Variants in SERGEF observed in about 807,000 individuals in gnomAD.
SERGEF encodes secretion-regulating guanine nucleotide exchange factor.
A neutral mutation model predicts 50.0 loss-of-function variants in SERGEF; 51 were observed. That is an observed-to-expected ratio of 1.02 (90% confidence interval 0.81 to 1.29). The LOEUF is 1.29. SERGEF is among the 50% of genes most tolerant of loss of function. SERGEF has a pLI of 0.00. For missense variants in SERGEF, 521 were observed against 557.0 expected, an observed-to-expected ratio of 0.94 and a Z score of 0.65; for synonymous variants, 205 against 212.4, an observed-to-expected ratio of 0.97 and a Z score of 0.30.
chr11:17,940,399 T>C (rs1852539314), intron 9 of SERGEF, among the ~76,000 whole-genome samples: 1 of 151,792 alleles, frequency 6.6e-6, no homozygotes, highest in Admixed American at 6.6e-5. Context: ...AGTGACCGCA[T>C]CCCCCACCAC....
At chr11:17,966,812 C>T (rs535689158) in intron 8 of SERGEF, among the ~76,000 whole-genome samples, 14 of 152,150 alleles carry the variant, frequency 9.2e-5, no homozygotes, top group South Asian at 2.1e-4. Context: ...GAAAAAAGCC[C>T]GCAAAGAGAA....
intron 9 of SERGEF, among the ~76,000 whole-genome samples, chr11:17,886,277 G>C (rs1851426748): frequency 6.6e-6 from 1 of 152,032 alleles, no homozygotes; most frequent in Non-Finnish European, 1.5e-5. Flanking sequence ...CATATGAAAG[G>C]AGACTATAAG....
At chr11:17,821,871 C>G (rs914441692) in intron 10 of SERGEF, among the ~76,000 whole-genome samples, 1 of 152,196 alleles carries the variant, frequency 6.6e-6, no homozygotes, top group African/African-American at 2.4e-5. Context: ...GCATCCACAA[C>G]ATAGGACACA....
intron 10 of SERGEF, among the ~76,000 whole-genome samples, chr11:17,835,239 T>G (rs746505065): frequency 3.9e-5 from 6 of 152,212 alleles, no homozygotes; most frequent in Non-Finnish European, 7.3e-5. Context: ...CATTAAGGCC[T>G]AAGATGATTT....
chr11:17,947,928 A>G (rs1318589427), intron 9 of SERGEF, among the ~76,000 whole-genome samples: 1 of 151,826 alleles, frequency 6.6e-6, no homozygotes, highest in East Asian at 1.9e-4. Context: ...CTTTTAAAAA[A>G]TCCAATTGTT....
At chr11:17,814,010 A>G (rs765370884) in intron 10 of SERGEF, among the ~76,000 whole-genome samples, 20 of 152,240 alleles carry the variant, frequency 1.3e-4, no homozygotes, top group Non-Finnish European at 2.4e-4. Flanking sequence ...CCTACATGCC[A>G]GAGACAGCAT....
Position 17,823,660 on chromosome 11 carries a change from C to T in SERGEF, c.1049-35247G>A, listed in dbSNP as rs114223000. The stretch of plus-strand genomic sequence containing the variant: ...CCTACAGTCAAGCACGGGGCTTGGA[C>T]TAATCTGTAGGTGAGAGCCATCTCC... On this transcript the variant is annotated intron_variant, in intron 10 of 10. Coordinates refer to ENST00000265965, the MANE Select transcript of SERGEF (RefSeq NM_012139.4). Among the ~76,000 whole-genome samples, 1,067 of 152,190 alleles carry T rather than the reference C, an allele frequency of 7.0e-3. 12 individuals are homozygous for T. The highest frequency in any genetic ancestry group is 0.024 in the African/African-American group (993 of 41,516).
At chr11:17,848,449 T>C (rs1437507400) in intron 10 of SERGEF, among the ~76,000 whole-genome samples, 1 of 152,172 alleles carries the variant, frequency 6.6e-6, no homozygotes, top group Non-Finnish European at 1.5e-5. Flanking sequence ...ATACAGTAAA[T>C]AGTGGTGGCA....
At chr11:17,802,055 T>C (rs957460412) in intron 10 of SERGEF, among the ~76,000 whole-genome samples, 9 of 152,162 alleles carry the variant, frequency 5.9e-5, no homozygotes, top group Admixed American at 4.6e-4. Context: ...ACTGGTCCCA[T>C]TGGAAGTAGC....
At chr11:17,988,402 C>T (rs211124) in intron 8 of SERGEF, among the ~76,000 whole-genome samples, 195 bp downstream of exon 8, 150,752 of 152,304 alleles carry the variant, frequency 0.99, 74,624 homozygotes, top group East Asian at 1. Context: ...CAGGCTTGCC[C>T]TTTTGGGTAC....
chr11:17,830,370 G>A (rs934724077), intron 10 of SERGEF, among the ~76,000 whole-genome samples: 1 of 152,148 alleles, frequency 6.6e-6, no homozygotes, highest in African/African-American at 2.4e-5. Flanking sequence ...TGGTGTCTTA[G>A]TACATTTTGT....
intron 9 of SERGEF, among the ~76,000 whole-genome samples, chr11:17,928,734 A>C (rs762204591): frequency 2.0e-5 from 3 of 152,174 alleles, no homozygotes; most frequent in Non-Finnish European, 2.9e-5. Flanking sequence ...TCCTCAGTCC[A>C]AAAGCCAGAA....
At chr11:17,969,902 A>G (rs1296087902) in intron 8 of SERGEF, among the ~76,000 whole-genome samples, 1 of 152,252 alleles carries the variant, frequency 6.6e-6, no homozygotes, top group Non-Finnish European at 1.5e-5. Context: ...TATCTGAGCC[A>G]GAAGAAACCT....
At chr11:17,795,368 G>T (rs1039289214) in intron 10 of SERGEF, among the ~76,000 whole-genome samples, 10 of 152,150 alleles carry the variant, frequency 6.6e-5, no homozygotes, top group African/African-American at 1.7e-4. Flanking sequence ...AAAGTGCTTT[G>T]GGTCTAGATG....
intron 1 of SERGEF, chr11:18,012,650 C>A (rs375597587): frequency 8.5e-7 from 1 of 1,182,452 alleles, no homozygotes; most frequent in Non-Finnish European, 1.1e-6. Context: ...GCTATTCGGG[C>A]TGGAGGGCTC....
At chr11:18,012,664 C>A in intron 1 of SERGEF, 1 of 1,161,080 alleles carries the variant, frequency 8.6e-7, no homozygotes, top group East Asian at 3.8e-5. Flanking sequence ...AGGGCTCTCG[C>A]GGAACCAGAC....
intron 8 of SERGEF, among the ~76,000 whole-genome samples, chr11:17,985,294 G>A (rs1339730382): frequency 6.6e-6 from 1 of 152,190 alleles, no homozygotes; most frequent in Admixed American, 6.5e-5. Flanking sequence ...TCGTTCATTT[G>A]AACATCATAG....
chr11:17,883,059 A>G (rs966724433), intron 9 of SERGEF, among the ~76,000 whole-genome samples: 3 of 152,156 alleles, frequency 2.0e-5, no homozygotes, highest in African/African-American at 7.2e-5. Context: ...CCCAGAAATG[A>G]GAGAGGTCTG....
chr11:17,896,572 G>A (rs1319037179), intron 9 of SERGEF, among the ~76,000 whole-genome samples: 21 of 38,020 alleles, frequency 5.5e-4, no homozygotes, highest in African/African-American at 2.8e-3. Flanking sequence ...AAGGGAAGGG[G>A]AAGGGAAGGG....
Sources: allele counts gnomAD v4.1 joint callset (sites outside exome capture counted in the v4.1 genomes callset), GRCh38; gene constraint gnomAD v4.1.1; transcripts MANE v1.5; gene names NCBI Gene and HGNC (gene_info 2026-07-23, HGNC 2026-07-21).